PPP2R5C: variants seen among roughly 807,000 people sequenced by gnomAD.
PPP2R5C encodes the protein serine/threonine-protein phosphatase 2A 56 kDa regulatory subunit gamma isoform.
In PPP2R5C, 7 loss-of-function variants were observed where a neutral mutation model predicts 68.9. The ratio of observed to expected loss-of-function variants is 0.10; its 90% CI spans 0.06 to 0.19. The LOEUF (loss-of-function observed/expected upper bound fraction) is 0.19, where lower values mean the gene tolerates loss of function less well. Ranked by LOEUF, PPP2R5C falls within the 10% of genes least tolerant of loss-of-function variation. The pLI, the probability that PPP2R5C is intolerant of heterozygous loss-of-function variation, is 1.00. For synonymous variants in PPP2R5C, 210 were observed against 222.2 expected, an observed-to-expected ratio of 0.95 and a Z score of 0.49; for missense variants, 348 against 641.3, an observed-to-expected ratio of 0.54 and a Z score of 4.94.
chr14:101,830,916 ATAAG>A (rs1235063946), intron 1 of PPP2R5C, among the ~76,000 whole-genome samples: 1 of 152,200 alleles, frequency 6.6e-6, no homozygotes, highest in African/African-American at 2.4e-5. Flanking sequence ...AGTTAGAGTG[ATAAG>A]TAAGTTACCG....
chr14:101,914,098 C>T, intron 12 of PPP2R5C: 1 of 448,496 alleles, frequency 2.2e-6, no homozygotes, highest in Non-Finnish European at 4.5e-6. Context: ...TTTTTCTCAA[C>T]TTTTCCTGAA....
rs1312404973 is a variant in PPP2R5C at position 101,891,273 on chromosome 14, G to A, written c.689+977G>A. On this transcript the variant is annotated intron_variant, in intron 6 of 13. Transcript: ENST00000334743. The surrounding 1 kb of genome is among the most constrained non-coding windows in gnomAD (Gnocchi z 4.9). ...TGGCACTCTGGATGGATCTAGTGACGCTCTGCAGCTCCTGAGCACAAGACT... is the reference window on the plus strand; with the variant it reads ...TGGCACTCTGGATGGATCTAGTGACACTCTGCAGCTCCTGAGCACAAGACT... 2.6e-5 allele frequency among the ~76,000 whole-genome samples: 4 copies of A among 152,114 alleles called. No individual in the cohort carries two copies. The highest frequency in any genetic ancestry group is 4.4e-5 in the Non-Finnish European group (3 of 68,022).
chr14:101,789,493 A>G (rs1476633452), intron 3 of PPP2R5C, among the ~76,000 whole-genome samples: 1 of 152,174 alleles, frequency 6.6e-6, no homozygotes, highest in African/African-American at 2.4e-5. Flanking sequence ...AGATGTTACT[A>G]TTATAATTGC....
chr14:101,827,519 C>G (rs2040469356), intron 1 of PPP2R5C, among the ~76,000 whole-genome samples: 2 of 152,200 alleles, frequency 1.3e-5, no homozygotes, highest in Admixed American at 6.5e-5. Context: ...CAACACTGAT[C>G]TGCTGCCATC....
chr14:101,786,314 T>C, intron 3 of PPP2R5C, 131 bp downstream of exon 3: 1 of 224,264 alleles, frequency 4.5e-6, no homozygotes, highest in Non-Finnish European at 7.6e-6. Context: ...TATTGAGGGG[T>C]TTTTTTTTTT....
chr14:101,925,201 G>C, exon 14 of PPP2R5C: 3 of 1,614,046 alleles, frequency 1.9e-6, no homozygotes, highest in Non-Finnish European at 2.5e-6. Flanking sequence ...GCTGCCTCAG[G>C]ACCCCCACAC....
At chr14:101,886,464 G>A (rs1320044747) in intron 5 of PPP2R5C, among the ~76,000 whole-genome samples, 4 of 152,014 alleles carry the variant, frequency 2.6e-5, no homozygotes, top group Non-Finnish European at 5.9e-5. Context: ...CTGTAATTGT[G>A]TGCATGCTTT....
chr14:101,831,083 A>G (rs2040705918), intron 1 of PPP2R5C, among the ~76,000 whole-genome samples: 1 of 152,206 alleles, frequency 6.6e-6, no homozygotes, highest in Non-Finnish European at 1.5e-5. Context: ...TGGCATGTGC[A>G]GGGCTGGCAG....
chr14:101,787,235 CTG>C (rs1321715857), intron 3 of PPP2R5C, among the ~76,000 whole-genome samples: 1 of 151,756 alleles, frequency 6.6e-6, no homozygotes, highest in Non-Finnish European at 1.5e-5. Flanking sequence ...GGATGACAGA[CTG>C]AGATCTTGTT....
At chr14:101,851,762 G>A (rs1035639665) in intron 1 of PPP2R5C, among the ~76,000 whole-genome samples, 2 of 151,962 alleles carry the variant, frequency 1.3e-5, no homozygotes, top group African/African-American at 4.8e-5. Flanking sequence ...TGGTGTCTTG[G>A]AGCATTTCTT....
chr14:101,857,185 A>G (rs1363004191), intron 2 of PPP2R5C, among the ~76,000 whole-genome samples: 1 of 152,184 alleles, frequency 6.6e-6, no homozygotes, highest in African/African-American at 2.4e-5. Flanking sequence ...TTATTATTTT[A>G]TCTTCTTTAA....
chr14:101,846,361 A>C (rs535946338), intron 1 of PPP2R5C, among the ~76,000 whole-genome samples: 1 of 152,352 alleles, frequency 6.6e-6, no homozygotes, highest in South Asian at 2.1e-4. Flanking sequence ...AAAAAAAGAA[A>C]AAGGAAAGTG....
chr14:101,764,439 G>T (rs563634900), intron 2 of PPP2R5C, among the ~76,000 whole-genome samples: 1 of 152,306 alleles, frequency 6.6e-6, no homozygotes, highest in East Asian at 1.9e-4. Flanking sequence ...AATGAGTTCA[G>T]TTCTGTCTGG....
At chr14:101,837,412 G>A (rs1228563747) in intron 1 of PPP2R5C, among the ~76,000 whole-genome samples, 1 of 152,148 alleles carries the variant, frequency 6.6e-6, no homozygotes, top group East Asian at 1.9e-4. Context: ...CTCCCAAAGT[G>A]CTGGGATTAC....
intron 2 of PPP2R5C, 31 bp downstream of exon 2, chr14:101,763,001 T>G (rs183030830): frequency 1.3e-6 from 2 of 1,521,636 alleles, no homozygotes; most frequent in African/African-American, 2.8e-5. Context: ...ACTTTGTATT[T>G]TATACACAGC....
chr14:101,776,358 G>T (rs1024725394), intron 2 of PPP2R5C, among the ~76,000 whole-genome samples: 8 of 151,898 alleles, frequency 5.3e-5, no homozygotes, highest in Non-Finnish European at 1.2e-4. Flanking sequence ...TTTAGATGTT[G>T]CCCAAACCAG....
At chr14:101,837,495 A>C (rs2041186307) in intron 1 of PPP2R5C, among the ~76,000 whole-genome samples, 1 of 152,224 alleles carries the variant, frequency 6.6e-6, no homozygotes, top group Non-Finnish European at 1.5e-5. Context: ...TACAGAGGAA[A>C]CCGATGTGAT....
At position 101,826,603 on chromosome 14, in the gene PPP2R5C, T is replaced by G. The variant is rs369227863; in HGVS notation, c.94+16567T>G. Among the ~76,000 whole-genome samples, 27 of 152,330 alleles carry G rather than the reference T, an allele frequency of 1.8e-4. No homozygotes were observed. The South Asian group carries it at 5.4e-3, about 30-fold the overall frequency. On this transcript the variant is annotated intron_variant, in intron 1 of 13. Transcript: ENST00000334743. ...CTTTGTTCTTTTTTTCAAAATTGTT[T>G]TGGTATTTTGGGTCCCTTTTGGTAT... is the stretch of plus-strand genomic sequence containing the variant.
At chr14:101,799,274 A>G (rs183086365) in intron 3 of PPP2R5C, among the ~76,000 whole-genome samples, 183 of 152,252 alleles carry the variant, frequency 1.2e-3, no homozygotes, top group African/African-American at 4.1e-3. Flanking sequence ...CAGTGGGACA[A>G]TGCCCACTGC....
Sources: allele counts gnomAD v4.1 joint callset (sites outside exome capture counted in the v4.1 genomes callset), GRCh38; gene constraint gnomAD v4.1.1; non-coding constraint Gnocchi (gnomAD v3.1); transcripts MANE v1.5; gene names NCBI Gene and HGNC (gene_info 2026-07-23, HGNC 2026-07-21).